The following CDH8 variants were observed in gnomAD, a reference collection of about 807,000 sequenced individuals.
CDH8 encodes cadherin 8.
In CDH8, 17 loss-of-function variants were observed where a neutral mutation model predicts 68.1. The observed-to-expected ratio is 0.25, with a 90% CI of 0.17 to 0.37. The LOEUF is 0.37. CDH8 is among the 10% of genes least tolerant of loss of function. The probability of loss-of-function intolerance (pLI) is 1.00; values close to 1 mark genes in which losing one functional copy is unlikely to be tolerated. For missense variants in CDH8, 763 were observed against 999.3 expected, an observed-to-expected ratio of 0.76 and a Z score of 3.19; for synonymous variants, 372 against 365.1, an observed-to-expected ratio of 1.02 and a Z score of -0.21.
rs1964126332 is a variant in CDH8 at position 61,909,707 on chromosome 16, A to G, written c.253-8234T>C. 2.0e-5 allele frequency among the ~76,000 whole-genome samples: 3 copies of G among 152,202 alleles called. No individual in the cohort carries two copies. The South Asian group carries it at 6.2e-4, about 32-fold the overall frequency. On this transcript the variant is annotated intron_variant, in intron 2 of 11. Coordinates refer to ENST00000577390, the MANE Select transcript of CDH8 (RefSeq NM_001796.5). ...TCCTAAATGGCAATAGAAATGTAACATATACATTTAGAAGCCATGTGTATG... is the reference window on the plus strand; with the variant it reads ...TCCTAAATGGCAATAGAAATGTAACGTATACATTTAGAAGCCATGTGTATG...
chr16:61,839,416 G>T (rs886191756), intron 4 of CDH8, among the ~76,000 whole-genome samples: 1 of 152,110 alleles, frequency 6.6e-6, no homozygotes, highest in Admixed American at 6.6e-5. Flanking sequence ...TATAAAATAA[G>T]CCTGAAGATC....
chr16:61,694,834 T>C (rs1567426546), intron 10 of CDH8, among the ~76,000 whole-genome samples: 1 of 151,956 alleles, frequency 6.6e-6, no homozygotes, highest in African/African-American at 2.4e-5. Context: ...CAGGCTGGAG[T>C]GCAGAGGTGT....
Position 61,797,218 on chromosome 16 carries a change from C to T in CDH8, c.1278-7736G>A, listed in dbSNP as rs539716344. 3.3e-5 allele frequency among the ~76,000 whole-genome samples: 5 copies of T among 152,162 alleles called. No individual in the cohort carries two copies. In the East Asian group the frequency reaches 9.7e-4, roughly 29 times the overall value. On this transcript the variant is annotated intron_variant, in intron 7 of 11. Coordinates refer to ENST00000577390, the MANE Select transcript of CDH8 (RefSeq NM_001796.5). ...CCACACAAAGCCTCCATCTCCTACT[C>T]TATTTTGTTTTTTTGTAATAAAGAA...
At chr16:61,813,664 T>C (rs367994340) in intron 7 of CDH8, among the ~76,000 whole-genome samples, 3 of 152,142 alleles carry the variant, frequency 2.0e-5, no homozygotes, top group South Asian at 2.1e-4. Context: ...ATGACTCTTA[T>C]CTTGCTTTGC....
intron 4 of CDH8, among the ~76,000 whole-genome samples, chr16:61,845,901 G>A (rs1962797129): frequency 6.6e-6 from 1 of 152,002 alleles, no homozygotes; most frequent in Non-Finnish European, 1.5e-5. Flanking sequence ...TTAAAAGAAT[G>A]GGTGTAAAAC....
chr16:61,857,013 A>G, intron 4 of CDH8, 106 bp downstream of exon 4: 2 of 1,264,122 alleles, frequency 1.6e-6, no homozygotes, highest in Non-Finnish European at 2.3e-6. Flanking sequence ...TTATTGATGC[A>G]GGCAGTGAAG....
chr16:62,013,292 A>T (rs1282037933), intron 2 of CDH8, among the ~76,000 whole-genome samples: 1 of 151,458 alleles, frequency 6.6e-6, no homozygotes, highest in Admixed American at 6.6e-5. Flanking sequence ...AAAAAAAAAA[A>T]ATTAACTACT....
At chr16:61,897,921 T>G (rs922743457) in intron 3 of CDH8, among the ~76,000 whole-genome samples, 6 of 152,148 alleles carry the variant, frequency 3.9e-5, no homozygotes, top group East Asian at 3.9e-4. Flanking sequence ...TATGTGTGTG[T>G]GGGGGTGGTG....
intron 2 of CDH8, chr16:61,918,588 G>T (rs901546277): frequency 9.1e-5 from 14 of 153,492 alleles, no homozygotes; most frequent in Non-Finnish European, 8.7e-5. Context: ...ACTCCCACCC[G>T]AATACTGCGC....
Position 61,709,984 on chromosome 16 carries a change from A to G in CDH8, c.1654+3857T>C, listed in dbSNP as rs1431568500. The stretch of plus-strand genomic sequence containing the variant: ...CGTTCAAAATCACTGCACAAGATTT[A>G]TAATTCTGAAGATTTAAAGCTTCAA... On this transcript the variant is annotated intron_variant, in intron 10 of 11. Transcript: ENST00000577390. 3.9e-5 allele frequency among the ~76,000 whole-genome samples: 6 copies of G among 152,140 alleles called. No individual in the cohort carries two copies. The East Asian group carries it at 1.2e-3, about 29-fold the overall frequency.
chr16:61,746,886 G>T (rs1960036421), intron 8 of CDH8, among the ~76,000 whole-genome samples: 1 of 152,022 alleles, frequency 6.6e-6, no homozygotes, highest in East Asian at 1.9e-4. Flanking sequence ...CAAGATGCAT[G>T]CACCATATTG....
chr16:61,880,072 C>A (rs1368395754), intron 3 of CDH8, among the ~76,000 whole-genome samples: 4 of 151,944 alleles, frequency 2.6e-5, no homozygotes, highest in African/African-American at 9.7e-5. Flanking sequence ...ACTACAGGCG[C>A]CCACCACCAC....
At chr16:61,800,279 C>G (rs936287821) in intron 7 of CDH8, among the ~76,000 whole-genome samples, 1 of 152,180 alleles carries the variant, frequency 6.6e-6, no homozygotes. Flanking sequence ...ATGCTCATTC[C>G]TAAACGCAAT....
At chr16:61,831,015 T>A (rs187914632) in intron 4 of CDH8, among the ~76,000 whole-genome samples, 10 of 151,892 alleles carry the variant, frequency 6.6e-5, no homozygotes, top group Admixed American at 6.6e-4. Flanking sequence ...GGACAAACTT[T>A]TTTCCTTGAA....
At chr16:61,873,203 G>A (rs1963401100) in intron 3 of CDH8, among the ~76,000 whole-genome samples, 1 of 152,130 alleles carries the variant, frequency 6.6e-6, no homozygotes, top group Non-Finnish European at 1.5e-5. Context: ...ATAATAAAAA[G>A]ATTAATTATT....
intron 8 of CDH8, among the ~76,000 whole-genome samples, chr16:61,781,382 G>A (rs1961049902): frequency 6.6e-6 from 1 of 152,160 alleles, no homozygotes; most frequent in East Asian, 1.9e-4. Context: ...CAGTGGAGGT[G>A]AGGAGTTAAA....
chr16:61,728,252 ATT>A (rs5817307), intron 8 of CDH8, among the ~76,000 whole-genome samples: 2 of 146,984 alleles, frequency 1.4e-5, no homozygotes, highest in Admixed American at 6.8e-5. Context: ...TAAAATACTC[ATT>A]TTTTTTTTTT....
intron 7 of CDH8, among the ~76,000 whole-genome samples, chr16:61,801,755 G>A (rs1181267069): frequency 6.6e-6 from 1 of 152,200 alleles, no homozygotes; most frequent in Admixed American, 6.5e-5. Context: ...GCCCTTTTCA[G>A]ACCGGCTTAA....
At chr16:61,795,060 C>T (rs879236461) in intron 7 of CDH8, among the ~76,000 whole-genome samples, 3 of 151,954 alleles carry the variant, frequency 2.0e-5, no homozygotes, top group Admixed American at 2.0e-4. Context: ...TTTAATTCCT[C>T]CCCTCTCTTC....
Sources: allele counts gnomAD v4.1 joint callset (sites outside exome capture counted in the v4.1 genomes callset), GRCh38; gene constraint gnomAD v4.1.1; transcripts MANE v1.5; gene names NCBI Gene and HGNC (gene_info 2026-07-23, HGNC 2026-07-21).